The following UBR4 variants were observed in gnomAD, a reference collection of about 807,000 sequenced individuals.
UBR4 encodes E3 ubiquitin-protein ligase UBR4.
UBR4 carries 124 observed loss-of-function variants against 575.6 expected under a neutral mutation model. That is an observed-to-expected ratio of 0.22 (90% CI 0.19 to 0.25). The LOEUF (loss-of-function observed/expected upper bound fraction) is 0.25. Among genes scored for constraint, UBR4 ranks in the 10% least tolerant of loss-of-function variants. The pLI, the probability that UBR4 is intolerant of heterozygous loss-of-function variation, is 1.00. For missense variants in UBR4, 4,818 were observed against 6,478.8 expected (o/e 0.74, Z 8.80); for synonymous variants, 2,455 against 2,473.7 (o/e 0.99, Z 0.22).
At chr1:19,119,536 T>C (rs748885874) in intron 70 of UBR4, 21 bp downstream of exon 70, 25 of 1,606,806 alleles carry the variant, frequency 1.6e-5, no homozygotes, top group Non-Finnish European at 2.0e-5. Context: ...TTGGCCCCTC[T>C]GACCATAAAG....
At chr1:19,204,597 T>A (rs995727680) in intron 1 of UBR4, among the ~76,000 whole-genome samples, 1 of 152,110 alleles carries the variant, frequency 6.6e-6, no homozygotes, top group African/African-American at 2.4e-5. Context: ...CCTATTGTGA[T>A]CTAATGAACC....
At chr1:19,124,380 C>T in intron 65 of UBR4, 161 bp downstream of exon 65, 1 of 898,114 alleles carries the variant, frequency 1.1e-6, no homozygotes, top group Non-Finnish European at 1.6e-6. Flanking sequence ...CACAGTTCTA[C>T]CACACAGTAT....
intron 11 of UBR4, among the ~76,000 whole-genome samples, chr1:19,188,176 T>A (rs916733305): frequency 3.3e-5 from 5 of 152,158 alleles, no homozygotes; most frequent in Non-Finnish European, 7.4e-5. Context: ...AAATGTAGAT[T>A]GAACTTTTAA....
At chr1:19,178,453 G>A (rs935698887) in intron 18 of UBR4, among the ~76,000 whole-genome samples, 2 of 152,108 alleles carry the variant, frequency 1.3e-5, no homozygotes, top group Non-Finnish European at 2.9e-5. Context: ...ATTCCACCAG[G>A]AAAAATATAG....
At chr1:19,166,922 A>C (rs750738039) in intron 29 of UBR4, 100 bp downstream of exon 29, 43 of 1,356,376 alleles carry the variant, frequency 3.2e-5, no homozygotes, top group Non-Finnish European at 4.1e-5. Context: ...CACACACAAA[A>C]ACAATAAGCT....
intron 60 of UBR4, among the ~76,000 whole-genome samples, chr1:19,132,184 GT>G (rs1236910965): frequency 1.3e-5 from 2 of 151,952 alleles, no homozygotes; most frequent in Admixed American, 6.6e-5. Context: ...ATGGTTTTTT[GT>G]TTGTTTGTTT....
chr1:19,113,547 T>C lies in UBR4; in HGVS notation c.11457+152A>G, dbSNP rs541396901. 7.9e-6 allele frequency: 9 copies of C among 1,143,694 alleles called. No homozygotes were observed. The South Asian group carries it at 1.3e-4, about 17-fold the overall frequency. The allele number at this position is 1,143,694 out of a possible 1,614,324, so 70.8% of individuals were successfully genotyped here. ...AAATCACGGTGGGGGAGATGCCGTT[T>C]GGTGCAGCCATCTGCCTGCCTTTTC... On this transcript the variant is annotated intron_variant, in intron 77 of 105. Coordinates refer to ENST00000375254, the MANE Select transcript of UBR4 (RefSeq NM_020765.3).
intron 48 of UBR4, chr1:19,151,052 T>A (rs2085619087): frequency 1.9e-6 from 1 of 528,392 alleles, no homozygotes; most frequent in Admixed American, 3.2e-5. Context: ...GGTCCTCTTC[T>A]GCTTCAGAGT....
chr1:19,094,826 GAC>G, intron 94 of UBR4, 78 bp downstream of exon 94: 2 of 1,564,284 alleles, frequency 1.3e-6, no homozygotes, highest in Non-Finnish European at 1.7e-6. Context: ...GGCTAAGCCA[GAC>G]ACAAACAGGC....
At chr1:19,174,208 T>G in intron 22 of UBR4, 111 bp downstream of exon 22, 1 of 1,380,544 alleles carries the variant, frequency 7.2e-7, no homozygotes, top group Non-Finnish European at 9.7e-7. Flanking sequence ...TATCAGTCAG[T>G]TTTGCAAATC....
At position 19,110,392 on chromosome 1, in the gene UBR4, G is replaced by A. The variant is rs760690908; in HGVS notation, c.11965C>T (p.Arg3989Trp). The A allele has an allele frequency of 1.4e-5, 23 of 1,614,000 alleles. No individual in the cohort carries two copies. The highest frequency in any genetic ancestry group is 8.9e-5 in the East Asian group (4 of 44,890). Residue 3989 changes from arginine to tryptophan, a missense_variant, in exon 80 of 106, where the codon CGG becomes TGG. Arg to Trp is a moderately radical substitution (Grantham distance 101, BLOSUM62 -3). This residue lies in a region of UBR4 where 333 missense variants were observed against 459.2 expected (regional missense o/e 0.73). Transcript: ENST00000375254. The surrounding 1 kb of genome is among the most constrained non-coding windows in gnomAD (Gnocchi z 4.5). The stretch of plus-strand genomic sequence containing the variant: ...TCCCCTAACTCACCACAGCGTAACC[G>A]GAGCTCCCAGCAGCTGTCCTCCTTG... ...ISKEDSCWEL[R>W]LRCALSLFLM... is the part of the protein sequence containing the mutation.
At position 19,143,688 on chromosome 1, in the gene UBR4, C is replaced by T. The variant is rs537837059; in HGVS notation, c.8179+292G>A. On this transcript the variant is annotated intron_variant, in intron 55 of 105. Transcript: ENST00000375254. ...GAAGCTTTCAGCCAAATATAAGACCCTCGCTTACCAACCATGCAGGACCTT... is the reference window on the plus strand; with the variant it reads ...GAAGCTTTCAGCCAAATATAAGACCTTCGCTTACCAACCATGCAGGACCTT... 1.3e-4 allele frequency among the ~76,000 whole-genome samples: 20 copies of T among 152,326 alleles called. No homozygotes were observed. The South Asian group carries it at 3.7e-3, about 28-fold the overall frequency.
At chr1:19,164,535 A>G in intron 32 of UBR4, 94 bp from the exon 33 acceptor site, 1 of 1,344,192 alleles carries the variant, frequency 7.4e-7, no homozygotes. Context: ...TTAAATACAT[A>G]ACTACAATAC....
chr1:19,076,534 G>A (rs567015754), intron 105 of UBR4, among the ~76,000 whole-genome samples: 2 of 152,310 alleles, frequency 1.3e-5, no homozygotes, highest in African/African-American at 4.8e-5. Flanking sequence ...GGGAAAGAGG[G>A]GGTGCTCAGT....
chr1:19,139,277 CAAA>C lies in UBR4; in HGVS notation c.8594-60_8594-58del. 1 of 1,520,060 alleles carries C rather than the reference CAAA, an allele frequency of 6.6e-7. No individual in the cohort carries two copies. Among genetic ancestry groups the C allele is most frequent in the Non-Finnish European group, 8.8e-7 (1 of 1,130,052 alleles). 94.2% of individuals were successfully genotyped at this position (1,520,060 alleles called of 1,614,324 possible). On this transcript the variant is annotated intron_variant, in intron 58 of 105. Transcript: ENST00000375254. This position sits in a 1 kb window ranked among gnomAD's most constrained non-coding sequence, Gnocchi z 4.2. The stretch of plus-strand genomic sequence containing the variant: ...AAAAACAAACAAACAAACAAACAAA[CAAA>C]AAACAAAAAAAACCCCTCCTTGGGA...
intron 17 of UBR4, among the ~76,000 whole-genome samples, chr1:19,182,278 T>C (rs192927656): frequency 9.9e-5 from 15 of 152,280 alleles, no homozygotes; most frequent in Admixed American, 9.2e-4. Context: ...TAAACACCTG[T>C]TCAAGCCCCG....
Position 19,130,413 on chromosome 1 carries a change from T to C in UBR4, c.8907-1339A>G, listed in dbSNP as rs577557794. Among the ~76,000 whole-genome samples the C allele has an allele frequency of 3.9e-5, 6 of 152,230 alleles. No homozygotes were observed. In the South Asian group the frequency reaches 1.2e-3, roughly 32 times the overall value. ...CAGACGTGGTGCCATGTGCCTGTAG[T>C]CCTGCCTCAGGAAGATCACTTGATC... On this transcript the variant is annotated intron_variant, in intron 60 of 105. Coordinates refer to ENST00000375254, the MANE Select transcript of UBR4 (RefSeq NM_020765.3).
At position 19,095,582 on chromosome 1, in the gene UBR4, A is replaced by G; in HGVS notation, c.13589T>C (p.Met4530Thr). The stretch of plus-strand genomic sequence containing the variant: ...CCCCAGCATGACGTTCAAGGTGTTC[A>G]TTTCCAGTTTGACCAGTTGCTGCCG... ...VNRQQLVKLE[M>T]NTLNVMLGTL... The change falls in exon 93 of 106, where the codon ATG (methionine) becomes ACG (threonine). Residue 4530 changes from methionine to threonine, a missense_variant. Around this residue, in one of 29 missense-constraint regions of UBR4, gnomAD observed 165 missense variants for 282.3 expected, o/e 0.58. Transcript: ENST00000375254. 1 of 1,614,088 alleles carries G rather than the reference A, an allele frequency of 6.2e-7. No individual in the cohort carries two copies. Among genetic ancestry groups the G allele is most frequent in the Non-Finnish European group, 8.5e-7 (1 of 1,180,004 alleles).
chr1:19,169,913 G>A (rs181091394), intron 26 of UBR4, among the ~76,000 whole-genome samples: 350 of 152,232 alleles, frequency 2.3e-3, no homozygotes, highest in African/African-American at 7.4e-3. Flanking sequence ...TCTTTAAGAC[G>A]AATCTTAAGG....
Sources: allele counts gnomAD v4.1 joint callset (sites outside exome capture counted in the v4.1 genomes callset), GRCh38; gene constraint gnomAD v4.1.1; regional missense constraint gnomAD v4.1.1; non-coding constraint Gnocchi (gnomAD v3.1); transcripts MANE v1.5; gene names NCBI Gene and HGNC (gene_info 2026-07-23, HGNC 2026-07-21).